Variants in CEP78 observed in about 807,000 individuals in gnomAD.
The protein encoded by CEP78 is centrosomal protein 78, also known as centrosomal protein of 78 kDa.
CEP78 carries 76 observed loss-of-function variants against 81.2 expected under a neutral mutation model. That is an observed-to-expected ratio of 0.94 (90% CI 0.78 to 1.13). CEP78 has a LOEUF of 1.13. Ranked by LOEUF, CEP78 falls within the 50% of genes most tolerant of loss-of-function variation. CEP78 has a pLI of 0.00. For synonymous variants in CEP78, 293 were observed against 301.4 expected (o/e 0.97, Z 0.29); for missense variants, 918 against 846.8 (o/e 1.08, Z -1.04).
At position 78,277,154 on chromosome 9, in the gene CEP78, GA is replaced by G. The variant is rs1362723684; in HGVS notation, c.*6310del. On this transcript the variant is annotated 3_prime_UTR_variant, in exon 17 of 17. Transcript: ENST00000643273. ...CTTTTTCTTATTTCATATCATGGAT[GA>G]AAAAAATCAAGATGAATTAAACATG... is the stretch of plus-strand genomic sequence containing the variant. 8 of 151,388 alleles carry G rather than the reference GA, an allele frequency of 5.3e-5. No homozygotes were observed. The highest frequency in any genetic ancestry group is 1.9e-4 in the East Asian group (1 of 5,184). The allele number at this position is 151,388 out of a possible 1,614,324, so 9.4% of individuals were successfully genotyped here. A position where few individuals can be genotyped will look rare whatever the true frequency, so the allele number is the denominator to read the frequency against.
intron 7 of CEP78, 143 bp from the exon 8 acceptor site, chr9:78,248,619 C>A: frequency 3.2e-6 from 2 of 615,442 alleles, no homozygotes; most frequent in Admixed American, 3.3e-5. Context: ...TTGTAAATAC[C>A]GTATGATTCT....
Position 78,240,128 on chromosome 9 carries a change from G to C in CEP78, c.359G>C (p.Ser120Thr), listed in dbSNP as rs770440873. 7.6e-6 allele frequency: 12 copies of C among 1,589,228 alleles called. No homozygotes were observed. Among genetic ancestry groups the C allele is most frequent in the Non-Finnish European group, 9.4e-6 (11 of 1,173,750 alleles). Residue 120 changes from serine to threonine, a missense_variant, in exon 2 of 17, where the codon AGT (serine) becomes ACT (threonine). Coordinates refer to ENST00000643273, the MANE Select transcript of CEP78 (RefSeq NM_001330691.3). ...CTTAAAGGCTGTTTAAGTATATCAA[G>C]TGTGCTAAAGAACCTGGAGCTAAAT... ...KALKGCLSIS[S>T]VLKNLELNGL...
intron 11 of CEP78, 88 bp from the exon 12 acceptor site, chr9:78,262,819 T>A: frequency 1.4e-6 from 1 of 738,702 alleles, no homozygotes; most frequent in South Asian, 2.0e-5. Flanking sequence ...GCTCTGTCCC[T>A]AAACACTTGG....
rs552173602 is a variant in CEP78 at position 78,252,988 on chromosome 9, G to A, written c.1206-244G>A. Among the ~76,000 whole-genome samples the A allele has an allele frequency of 1.1e-4, 16 of 152,272 alleles. No individual in the cohort carries two copies. The East Asian group carries it at 3.1e-3, about 29-fold the overall frequency. ...ATCACCAGTTAAAGAAGTTAGATTA[G>A]AAATCTGAACCATCCTAAACATAAG... On this transcript the variant is annotated intron_variant, in intron 9 of 16. Coordinates refer to ENST00000643273, the MANE Select transcript of CEP78 (RefSeq NM_001330691.3).
intron 1 of CEP78, among the ~76,000 whole-genome samples, chr9:78,236,969 C>CT (rs71360676): frequency 0.049 from 3,012 of 61,880 alleles, 788 homozygotes; most frequent in Non-Finnish European, 0.067. Flanking sequence ...CAGCCTTTGT[C>CT]TTTTTTTTTT....
Position 78,236,577 on chromosome 9 carries a change from T to G in CEP78, c.227T>G (p.Phe76Cys). ...KDLPLVSIKS[F>C]FQPWLGDTGS... ...CTGCCCTTGGTCTCCATCAAGAGCT[T>G]CTTCCAGCCCTGGCTGGGGGACACA... The change falls in exon 1 of 17, where the codon TTC becomes TGC. Residue 76 changes from phenylalanine to cysteine, a missense_variant. Physicochemically the swap from Phe to Cys is radical, Grantham distance 205. Transcript: ENST00000643273. The G allele has an allele frequency of 6.4e-7, 1 of 1,561,620 alleles. No homozygotes were observed. The highest frequency in any genetic ancestry group is 8.7e-7 in the Non-Finnish European group (1 of 1,154,024).
At chr9:78,238,608 G>C (rs868844673) in intron 1 of CEP78, among the ~76,000 whole-genome samples, 1 of 152,120 alleles carries the variant, frequency 6.6e-6, no homozygotes, top group Admixed American at 6.6e-5. Flanking sequence ...TCGTGTGCCC[G>C]GCCCTTTTCT....
rs773562964 is a variant in CEP78 at position 78,254,915 on chromosome 9, G to C, written c.1331G>C (p.Ser444Thr). Reference sequence around the variant, plus strand: ...GAAGAGGTTGATGATTCTTCAGAGAGTGTTCATGAAGTGCCTGAGAAAACT... The same window carrying C: ...GAAGAGGTTGATGATTCTTCAGAGACTGTTCATGAAGTGCCTGAGAAAACT... ...EVEEVDDSSE[S>T]VHEVPEKTSI... The change falls in exon 11 of 17, where the codon AGT becomes ACT. Residue 444 changes from serine to threonine, a missense_variant. Transcript: ENST00000643273. The C allele has an allele frequency of 1.2e-6, 2 of 1,611,212 alleles. No individual in the cohort carries two copies. The highest frequency in any genetic ancestry group is 1.7e-6 in the Non-Finnish European group (2 of 1,177,818).
At chr9:78,250,960 T>C (rs1826731531) in intron 8 of CEP78, among the ~76,000 whole-genome samples, 1 of 152,198 alleles carries the variant, frequency 6.6e-6, no homozygotes, top group South Asian at 2.1e-4. Flanking sequence ...ACCAAATACA[T>C]GTTCTTGTAG....
intron 5 of CEP78, among the ~76,000 whole-genome samples, chr9:78,245,382 G>A (rs1170343456): frequency 6.6e-6 from 1 of 152,032 alleles, no homozygotes; most frequent in Non-Finnish European, 1.5e-5. Context: ...AAATGGTGGC[G>A]AGAGAGAACT....
Position 78,252,051 on chromosome 9 carries a change from A to G in CEP78, c.1205+8A>G. Reference sequence around the variant, plus strand: ...ACGTGCAAAAAGACACAGGTAGGGTATTTTTATTTCCTATCTTTTAGGATA... The same window carrying G: ...ACGTGCAAAAAGACACAGGTAGGGTGTTTTTATTTCCTATCTTTTAGGATA... On this transcript the variant is annotated splice_region_variant and intron_variant, in intron 9 of 16. Transcript: ENST00000643273. 1 of 1,571,410 alleles carries G rather than the reference A, an allele frequency of 6.4e-7. No individual in the cohort carries two copies. The highest frequency in any genetic ancestry group is 8.7e-7 in the Non-Finnish European group (1 of 1,150,874).
chr9:78,266,970 C>G, intron 16 of CEP78: 1 of 1,400,908 alleles, frequency 7.1e-7, no homozygotes, highest in Non-Finnish European at 9.2e-7. Context: ...TTTTGAATTT[C>G]AAGAAAGCAT....
intron 4 of CEP78, among the ~76,000 whole-genome samples, 159 bp downstream of exon 4, chr9:78,241,958 A>C (rs1826254153): frequency 6.6e-6 from 1 of 152,172 alleles, no homozygotes; most frequent in Admixed American, 6.5e-5. Context: ...CTGGGGTTCT[A>C]CCATTTATTA....
At chr9:78,251,209 T>C (rs1587576987) in intron 8 of CEP78, among the ~76,000 whole-genome samples, 1 of 152,192 alleles carries the variant, frequency 6.6e-6, no homozygotes, top group East Asian at 1.9e-4. Flanking sequence ...CTTCGTTCTA[T>C]TATCCAGTAG....
At chr9:78,266,952 G>A (rs1827570299) in intron 16 of CEP78, 1 of 1,415,270 alleles carries the variant, frequency 7.1e-7, no homozygotes. Flanking sequence ...TGATACTCTT[G>A]GATGTGATTT....
chr9:78,260,868 A>G (rs1026764153), intron 11 of CEP78, among the ~76,000 whole-genome samples: 1 of 152,112 alleles, frequency 6.6e-6, no homozygotes, highest in African/African-American at 2.4e-5. Context: ...AGGCATGCTC[A>G]GGCCCCACAG....
intron 13 of CEP78, 114 bp from the exon 14 acceptor site, chr9:78,265,258 A>T: frequency 1.2e-6 from 1 of 825,198 alleles, no homozygotes; most frequent in Non-Finnish European, 1.9e-6. Flanking sequence ...GGAGTAGGAT[A>T]ATGGGTTTTA....
At chr9:78,250,460 C>G (rs1409609118) in intron 8 of CEP78, 2 of 336,932 alleles carry the variant, frequency 5.9e-6, no homozygotes, top group Non-Finnish European at 5.3e-6. Context: ...TATTTGCGGC[C>G]GGGCACGGTG....
In CEP78 at chr9:78,251,909, A is replaced by G; in HGVS notation, c.1071A>G (p.Gly357=). 2 of 1,604,962 alleles carry G rather than the reference A, an allele frequency of 1.2e-6. No individual in the cohort carries two copies. Among genetic ancestry groups the G allele is most frequent in the Non-Finnish European group, 1.7e-6 (2 of 1,173,610 alleles). ...GHKGKATIRI[G]LATKKPVSSG... Reference sequence around the variant, plus strand: ...TTCTTTTTAACACTTCTCAAGTAGGATTGGCTACAAAGAAACCTGTAAGTA... The same window carrying G: ...TTCTTTTTAACACTTCTCAAGTAGGGTTGGCTACAAAGAAACCTGTAAGTA... The change falls in exon 9 of 17, where the codon GGA becomes GGG. Residue 357 remains glycine, a splice_region_variant and synonymous_variant. Transcript: ENST00000643273.
Sources: gnomAD v4.1 joint callset for allele counts (sites outside exome capture counted in the v4.1 genomes callset) on GRCh38, gnomAD v4.1.1 for gene constraint, MANE v1.5 for transcripts, NCBI Gene and HGNC (gene_info 2026-07-23, HGNC 2026-07-21) for gene names.